ADGRG2: variants seen among roughly 807,000 people sequenced by gnomAD.
The protein encoded by ADGRG2 is adhesion G protein-coupled receptor G2, also known as G protein-coupled receptor 64.
A neutral mutation model predicts 74.1 loss-of-function variants in ADGRG2; 26 were observed. The ratio of observed to expected loss-of-function variants is 0.35; its 90% confidence interval spans 0.26 to 0.49. ADGRG2 has a LOEUF of 0.49. Ranked by LOEUF, ADGRG2 falls within the 20% of genes least tolerant of loss-of-function variation. ADGRG2 has a pLI of 0.99. For missense variants in ADGRG2, 619 were observed against 763.1 expected, an observed-to-expected ratio of 0.81 and a Z score of 2.22; for synonymous variants, 296 against 295.2, an observed-to-expected ratio of 1.00 and a Z score of -0.03.
chrX:19,049,950 C>T (rs1234901990), intron 3 of ADGRG2, among the ~76,000 whole-genome samples: 1 of 111,800 alleles, frequency 8.9e-6, no homozygotes, highest in African/African-American at 3.3e-5. Flanking sequence ...GGGGTGCGTG[C>T]ACCAGTGGTT....
At chrX:19,114,418 T>A (rs1387993368) in intron 1 of ADGRG2, among the ~76,000 whole-genome samples, 2 of 111,452 alleles carry the variant, frequency 1.8e-5, no homozygotes, top group Non-Finnish European at 3.8e-5. Context: ...ATTTGAGGTT[T>A]ATTAAGGTCA....
chrX:19,122,266 G>C (rs2062622298), intron 1 of ADGRG2, among the ~76,000 whole-genome samples, 176 bp downstream of exon 1: 2 of 112,463 alleles, frequency 1.8e-5, no homozygotes, highest in African/African-American at 3.2e-5. Flanking sequence ...GGATGTTCCC[G>C]GGCCCCGGCT....
intron 1 of ADGRG2, among the ~76,000 whole-genome samples, chrX:19,116,046 C>T (rs142846459): frequency 1.3e-4 from 14 of 110,273 alleles, no homozygotes; most frequent in Admixed American, 7.7e-4. Context: ...CCCGTCACTA[C>T]AAAAACTTTT....
chrX:19,007,125 G>T, intron 20 of ADGRG2, 110 bp downstream of exon 20: 1 of 764,626 alleles, frequency 1.3e-6, no homozygotes, highest in Non-Finnish European at 2.0e-6. Context: ...TACTCCAGCT[G>T]AGCTGAAGGT....
chrX:19,108,433 T>C (rs2062354761), intron 1 of ADGRG2, among the ~76,000 whole-genome samples: 1 of 112,202 alleles, frequency 8.9e-6, no homozygotes, highest in South Asian at 3.7e-4. Context: ...GGTATTTACC[T>C]GGTAGTAATG....
chrX:19,010,521 G>T, intron 17 of ADGRG2, 92 bp downstream of exon 17: 1 of 722,038 alleles, frequency 1.4e-6, no homozygotes, highest in Non-Finnish European at 2.1e-6. Context: ...TGGTACTTGG[G>T]AGTAAAAGAC....
rs752851408 is a variant in ADGRG2 at position 19,070,081 on chromosome X, C to T, written c.-1-1246G>A. On this transcript the variant is annotated intron_variant, in intron 2 of 28. Transcript: ENST00000379869. ...GTTGCCCAGAAGCACTCAACCTGGC[C>T]TCTGTACCCACTCACCTGCGTGCTC... 1.6e-3 allele frequency among the ~76,000 whole-genome samples: 182 copies of T among 112,384 alleles called. 1 individual carries two copies. The Middle Eastern group carries it at 0.037, about 23-fold the overall frequency.
chrX:19,119,301 T>C (rs946141192), intron 1 of ADGRG2, among the ~76,000 whole-genome samples: 5 of 112,422 alleles, frequency 4.4e-5, no homozygotes, highest in African/African-American at 9.7e-5. Context: ...TATTTTATGA[T>C]AGCTTTCCCC....
chrX:19,009,338 C>T (rs1478923066), intron 18 of ADGRG2, among the ~76,000 whole-genome samples: 2 of 110,500 alleles, frequency 1.8e-5, no homozygotes, highest in African/African-American at 3.3e-5. Flanking sequence ...CCACCACGCC[C>T]GGCTAATTTT....
At chrX:19,030,940 G>A (rs748620100) in intron 9 of ADGRG2, 44 bp downstream of exon 9, 4 of 891,096 alleles carry the variant, frequency 4.5e-6, no homozygotes, top group Non-Finnish European at 6.5e-6. Flanking sequence ...TTATCTCTAT[G>A]GAGGAAATTT....
In ADGRG2 at chrX:19,023,411, C is replaced by A; in HGVS notation, c.548+5G>T. 9.2e-7 allele frequency: 1 copy of A among 1,082,502 alleles called. No individual in the cohort carries two copies. The highest frequency in any genetic ancestry group is 1.3e-6 in the Non-Finnish European group (1 of 796,018). 89.2% of individuals were successfully genotyped at this position (1,082,502 alleles called of 1,213,427 possible). On this transcript the variant is annotated splice_donor_5th_base_variant and intron_variant, in intron 13 of 28. Coordinates refer to ENST00000379869, the MANE Select transcript of ADGRG2 (RefSeq NM_001079858.3). Reference sequence around the variant, plus strand: ...ATATTTATGAAAGTATTAAAAATGACTGACCTTTGGGCCTCTGCTGTAGCA... The same window carrying A: ...ATATTTATGAAAGTATTAAAAATGAATGACCTTTGGGCCTCTGCTGTAGCA...
Position 19,013,812 on chromosome X carries a change from T to A in ADGRG2, c.973A>T (p.Ile325Phe). Residue 325 changes from isoleucine to phenylalanine, a missense_variant, in exon 16 of 29, where the codon ATC (isoleucine) becomes TTC (phenylalanine). This residue lies in a region of ADGRG2 where 292 missense variants were observed against 318.0 expected (regional missense o/e 0.92). Coordinates refer to ENST00000379869, the MANE Select transcript of ADGRG2 (RefSeq NM_001079858.3). ...TGGGTTTGGGGCATAGGGGAAGAGATCGTTTCAGACTGTGGGGGCATGTCA... is the reference window on the plus strand; with the variant it reads ...TGGGTTTGGGGCATAGGGGAAGAGAACGTTTCAGACTGTGGGGGCATGTCA... Reference protein sequence around the residue: ...AIDMPPQSETISSPMPQTHVS... With the variant: ...AIDMPPQSETFSSPMPQTHVS... 2 of 1,199,736 alleles carry A rather than the reference T, an allele frequency of 1.7e-6. No individual in the cohort carries two copies. The highest frequency in any genetic ancestry group is 6.0e-5 in the East Asian group (2 of 33,584).
intron 1 of ADGRG2, among the ~76,000 whole-genome samples, chrX:19,090,700 A>AATGATGT (rs1438050479): frequency 1.1e-5 from 1 of 89,786 alleles, no homozygotes; most frequent in Non-Finnish European, 2.0e-5. Context: ...TTTTCTCCTG[A>AATGATGT]ATGATGTATT....
At chrX:19,020,951 C>T (rs1486537434) in intron 14 of ADGRG2, among the ~76,000 whole-genome samples, 153 bp downstream of exon 14, 1 of 99,655 alleles carries the variant, frequency 1.0e-5, no homozygotes, top group Non-Finnish European at 2.0e-5. Flanking sequence ...TGAGACTCTG[C>T]CTCAAAAAAA....
At position 18,999,169 on chromosome X, in the gene ADGRG2, C is replaced by T. The variant is rs184370776; in HGVS notation, c.2441G>A (p.Arg814Gln). 2.6e-5 allele frequency: 31 copies of T among 1,208,622 alleles called. No individual in the cohort carries two copies. Among genetic ancestry groups the T allele is most frequent in the East Asian group, 1.5e-4 (5 of 33,734 alleles). Residue 814 changes from arginine (R) to glutamine (Q), a missense_variant, in exon 26 of 29, where the codon CGA (arginine) becomes CAA (glutamine). By Grantham distance (43) the Arg-to-Gln change is conservative. Coordinates refer to ENST00000379869, the MANE Select transcript of ADGRG2 (RefSeq NM_001079858.3). ...MFIVVLVQLC[R>Q]IKKKKQLGAQ... The stretch of plus-strand genomic sequence containing the variant: ...TCCCAGTTGCTTCTTCTTTTTAATT[C>T]GACAGAGCTGAACCAGGACCACAAT...
chrX:19,028,362 TTGTC>T (rs1193195794), intron 9 of ADGRG2, 124 bp from the exon 10 acceptor site: 4 of 361,788 alleles, frequency 1.1e-5, no homozygotes, highest in Admixed American at 5.3e-5. Context: ...CACATTTACT[TTGTC>T]AGTAAGTTAC....
At chrX:19,096,437 T>C (rs1319582228) in intron 1 of ADGRG2, among the ~76,000 whole-genome samples, 3 of 109,023 alleles carry the variant, frequency 2.8e-5, no homozygotes, top group Admixed American at 2.0e-4. Context: ...AAAATCAGTA[T>C]TGCAGTTAGC....
chrX:19,081,976 G>A (rs1326775529), intron 2 of ADGRG2, among the ~76,000 whole-genome samples: 1 of 107,494 alleles, frequency 9.3e-6, no homozygotes, highest in Non-Finnish European at 1.9e-5. Context: ...AGGAGGCTGA[G>A]GTGGGAGGAT....
intron 3 of ADGRG2, 144 bp from the exon 4 acceptor site, chrX:19,040,368 TC>T (rs2061033476): frequency 2.4e-6 from 1 of 415,732 alleles, no homozygotes; most frequent in East Asian, 4.0e-5. Flanking sequence ...TTTATCAGCC[TC>T]ACTACTGTAA....
Sources: allele counts gnomAD v4.1 joint callset (sites outside exome capture counted in the v4.1 genomes callset), GRCh38; gene constraint gnomAD v4.1.1; regional missense constraint gnomAD v4.1.1; transcripts MANE v1.5; gene names NCBI Gene and HGNC (gene_info 2026-07-23, HGNC 2026-07-21).